The following TMEM132C variants were observed in gnomAD, a reference collection of about 807,000 sequenced individuals.
TMEM132C encodes protein phosphatase 1, regulatory subunit 152.
In TMEM132C, 29 loss-of-function variants were observed where a neutral mutation model predicts 61.4. The ratio of observed to expected loss-of-function variants is 0.47; its 90% confidence interval spans 0.35 to 0.64. The LOEUF is 0.64. Among genes scored for constraint, TMEM132C ranks in the 30% least tolerant of loss-of-function variants. TMEM132C has a pLI of 0.00. For missense variants in TMEM132C, 1,408 were observed against 1,476.9 expected (o/e 0.95, Z 0.76); for synonymous variants, 656 against 633.1 (o/e 1.04, Z -0.54).
At chr12:128,497,708 G>T (rs1256196744) in intron 2 of TMEM132C, among the ~76,000 whole-genome samples, 2 of 152,142 alleles carry the variant, frequency 1.3e-5, no homozygotes, top group Admixed American at 6.5e-5. Context: ...AGAGTGACCC[G>T]ATTTTCCAGG....
intron 3 of TMEM132C, among the ~76,000 whole-genome samples, chr12:128,552,231 T>C (rs1874198786): frequency 6.6e-6 from 1 of 152,254 alleles, no homozygotes; most frequent in Non-Finnish European, 1.5e-5. Flanking sequence ...AAAACGCTAC[T>C]GTTAACATCT....
At chr12:128,491,463 G>A (rs773012330) in intron 2 of TMEM132C, among the ~76,000 whole-genome samples, 6 of 152,302 alleles carry the variant, frequency 3.9e-5, no homozygotes, top group African/African-American at 7.2e-5. Flanking sequence ...AGAGCCAGTC[G>A]GAGATTAGTC....
chr12:128,609,308 C>CACTGTAACCCCCGCCTCCCTGCAAT (rs1876546860), intron 3 of TMEM132C, among the ~76,000 whole-genome samples: 1 of 148,760 alleles, frequency 6.7e-6, no homozygotes, highest in Admixed American at 6.7e-5. Flanking sequence ...CTCCCTGCAA[C>CACTGTAACCCCCGCCTCCCTGCAAT]CCTGCTATAA....
intron 2 of TMEM132C, among the ~76,000 whole-genome samples, chr12:128,428,416 A>C (rs1869270121): frequency 1.3e-5 from 2 of 152,068 alleles, no homozygotes; most frequent in Admixed American, 1.3e-4. Context: ...CCCTGCTCAG[A>C]GTTTAAAGTA....
intron 1 of TMEM132C, among the ~76,000 whole-genome samples, chr12:128,323,053 C>G (rs557412775): frequency 6.6e-6 from 1 of 152,336 alleles, no homozygotes; most frequent in Non-Finnish European, 1.5e-5. Flanking sequence ...GTGTCATATT[C>G]TGGTGGAGCA....
intron 1 of TMEM132C, among the ~76,000 whole-genome samples, chr12:128,307,604 T>G (rs775102457): frequency 1.2e-4 from 19 of 152,338 alleles, no homozygotes; most frequent in South Asian, 2.1e-4. Flanking sequence ...TCATCCAGTT[T>G]TAATATAACT....
chr12:128,320,490 G>A (rs1234627462), intron 1 of TMEM132C, among the ~76,000 whole-genome samples: 4 of 152,122 alleles, frequency 2.6e-5, no homozygotes, highest in Admixed American at 2.6e-4. Flanking sequence ...AGATGGCCAG[G>A]TGCAAGGGCT....
intron 2 of TMEM132C, among the ~76,000 whole-genome samples, chr12:128,476,480 C>T (rs928763819): frequency 6.6e-6 from 1 of 152,190 alleles, no homozygotes; most frequent in Non-Finnish European, 1.5e-5. Context: ...CTTGCAGCTG[C>T]CTCCAGCCTG....
intron 2 of TMEM132C, among the ~76,000 whole-genome samples, chr12:128,481,328 C>G (rs773200411): frequency 3.9e-5 from 6 of 152,326 alleles, no homozygotes; most frequent in Non-Finnish European, 7.3e-5. Flanking sequence ...ACTGGAGGAT[C>G]GTGAAGTGTG....
intron 2 of TMEM132C, among the ~76,000 whole-genome samples, chr12:128,519,898 C>A (rs1300189047): frequency 6.6e-6 from 1 of 152,216 alleles, no homozygotes; most frequent in Non-Finnish European, 1.5e-5. Flanking sequence ...TAGGTCTCTG[C>A]CCCTCTTTGT....
At chr12:128,399,443 A>T (rs1017733373) in intron 1 of TMEM132C, among the ~76,000 whole-genome samples, 2 of 152,174 alleles carry the variant, frequency 1.3e-5, no homozygotes, top group African/African-American at 4.8e-5. Context: ...CTCAAACCAT[A>T]TGCTATGTGA....
At chr12:128,505,294 T>G (rs1309098194) in intron 2 of TMEM132C, among the ~76,000 whole-genome samples, 1 of 152,140 alleles carries the variant, frequency 6.6e-6, no homozygotes, top group Non-Finnish European at 1.5e-5. Flanking sequence ...CAAGATAGAT[T>G]GTTTCCAGCA....
chr12:128,657,092 G>GA (rs1241414833), intron 4 of TMEM132C, among the ~76,000 whole-genome samples: 8 of 152,002 alleles, frequency 5.3e-5, no homozygotes, highest in Middle Eastern at 3.2e-3. Flanking sequence ...CCTCCCAAGA[G>GA]AAAAAAATTG....
At chr12:128,316,007 G>A (rs1215138702) in intron 1 of TMEM132C, among the ~76,000 whole-genome samples, 2 of 151,928 alleles carry the variant, frequency 1.3e-5, no homozygotes. Flanking sequence ...ATAAATTCCT[G>A]TTGTTCTAAG....
In TMEM132C at chr12:128,267,500, C is replaced by T. The variant is rs1870347557; in HGVS notation, c.85+13C>T. On this transcript the variant is annotated intron_variant, in intron 1 of 8. Transcript: ENST00000435159. ...CTGCTGGGCAAAGGTAAGGCCGGGG[C>T]GGGTGCCTGGCGCGCCGACGCATGC... 5 of 1,239,426 alleles carry T rather than the reference C, an allele frequency of 4.0e-6. No homozygotes were observed. The highest frequency in any genetic ancestry group is 3.3e-5 in the South Asian group (1 of 30,300). The allele number at this position is 1,239,426 out of a possible 1,614,324, so 76.8% of individuals were successfully genotyped here.
chr12:128,268,943 G>GTC (rs1870416184), intron 1 of TMEM132C, among the ~76,000 whole-genome samples: 1 of 105,998 alleles, frequency 9.4e-6, no homozygotes, highest in African/African-American at 4.7e-5. Context: ...GAGAGAGGGG[G>GTC]GAAAGGGGGT....
At chr12:128,439,233 C>T (rs1309728868) in intron 2 of TMEM132C, 1 of 153,352 alleles carries the variant, frequency 6.5e-6, no homozygotes, top group African/African-American at 2.4e-5. Flanking sequence ...TTTGCCTCCA[C>T]AACACCATGA....
chr12:128,605,881 T>A (rs996149805), intron 3 of TMEM132C, among the ~76,000 whole-genome samples: 1 of 152,248 alleles, frequency 6.6e-6, no homozygotes, highest in East Asian at 1.9e-4. Flanking sequence ...GTGGGGTCTT[T>A]AGAGCCTCCA....
chr12:128,474,671 C>A (rs1336640309), intron 2 of TMEM132C, among the ~76,000 whole-genome samples: 1 of 152,150 alleles, frequency 6.6e-6, no homozygotes, highest in Non-Finnish European at 1.5e-5. Context: ...ATTCTGACAT[C>A]CCGGGAGAAG....
Sources: gnomAD v4.1 joint callset for allele counts (sites outside exome capture counted in the v4.1 genomes callset) on GRCh38, gnomAD v4.1.1 for gene constraint, MANE v1.5 for transcripts, NCBI Gene and HGNC (gene_info 2026-07-23, HGNC 2026-07-21) for gene names.